CDH13: variants seen among roughly 807,000 people sequenced by gnomAD.
CDH13 encodes the protein cadherin 13.
CDH13 carries 24 observed loss-of-function variants against 63.8 expected under a neutral mutation model. That is an observed-to-expected ratio of 0.38 (90% confidence interval 0.27 to 0.53). The LOEUF (loss-of-function observed/expected upper bound fraction) is 0.53, where lower values mean the gene tolerates loss of function less well. CDH13 is among the 20% of genes least tolerant of loss of function. CDH13 has a pLI of 0.85. For missense variants in CDH13, 1,049 were observed against 903.1 expected (o/e 1.16, Z -2.07); for synonymous variants, 503 against 355.3 (o/e 1.42, Z -4.67).
rs547177649 is a variant in CDH13 at position 83,547,340 on chromosome 16, T to C, written c.961-55114T>C. 1.6e-4 allele frequency among the ~76,000 whole-genome samples: 25 copies of C among 152,342 alleles called. No individual in the cohort carries two copies. In the South Asian group the frequency reaches 4.8e-3, roughly 29 times the overall value. ...CTTTCATTTTAGTTTCAGAGGTACA[T>C]GTGCAAATTTGTTACATAGGTAAAC... On this transcript the variant is annotated intron_variant, in intron 7 of 13. Transcript: ENST00000567109.
chr16:83,724,514 G>C (rs987966824), intron 10 of CDH13, among the ~76,000 whole-genome samples: 1 of 152,126 alleles, frequency 6.6e-6, no homozygotes, highest in Admixed American at 6.5e-5. Context: ...AAATGCATGA[G>C]TCGGTGGATG....
chr16:83,677,054 T>G (rs1915012923), intron 9 of CDH13, among the ~76,000 whole-genome samples: 1 of 152,206 alleles, frequency 6.6e-6, no homozygotes, highest in African/African-American at 2.4e-5. Context: ...ATGGGTCTGA[T>G]GGGTTAGCTG....
At chr16:82,640,584 G>T (rs1353210527) in intron 1 of CDH13, among the ~76,000 whole-genome samples, 1 of 152,142 alleles carries the variant, frequency 6.6e-6, no homozygotes, top group Non-Finnish European at 1.5e-5. Flanking sequence ...GAGCTAGATT[G>T]GTCCTTCAGG....
intron 7 of CDH13, among the ~76,000 whole-genome samples, chr16:83,545,570 C>G (rs1264666811): frequency 6.6e-6 from 1 of 152,174 alleles, no homozygotes. Context: ...GTCCATTACC[C>G]TTGCCTATTT....
intron 6 of CDH13, among the ~76,000 whole-genome samples, chr16:83,444,581 C>A (rs908144727): frequency 6.6e-6 from 1 of 152,168 alleles, no homozygotes; most frequent in African/African-American, 2.4e-5. Context: ...GAACCATGTC[C>A]TCTCTTGTGA....
At position 83,260,097 on chromosome 16, in the gene CDH13, T is replaced by C. The variant is rs376769048; in HGVS notation, c.636+42600T>C. Among the ~76,000 whole-genome samples, 270 of 126,518 alleles carry C rather than the reference T, an allele frequency of 2.1e-3. 1 individual carries two copies. Among genetic ancestry groups the C allele is most frequent in the Non-Finnish European group, 2.9e-3 (173 of 60,652 alleles). The allele number at this position is 126,518 out of a possible 152,430, so 83.0% of individuals were successfully genotyped here. On this transcript the variant is annotated intron_variant, in intron 5 of 13. Transcript: ENST00000567109. Reference sequence around the variant, plus strand: ...TTTTTTTGTAACCATGTACCCCCAATACACACACACACACACACACACACA... The same window carrying C: ...TTTTTTTGTAACCATGTACCCCCAACACACACACACACACACACACACACA...
In CDH13 at chr16:83,500,306, C is replaced by T. The variant is rs61289438; in HGVS notation, c.960+13651C>T. Among the ~76,000 whole-genome samples, 6 of 646 alleles carry T rather than the reference C, an allele frequency of 9.3e-3. 2 individuals are homozygous for T. The highest frequency in any genetic ancestry group is 0.062 in the Admixed American group (1 of 16). The allele number at this position is 646 out of a possible 152,430, so 0.4% of individuals were successfully genotyped here. A position where few individuals can be genotyped will look rare whatever the true frequency, so the allele number is the denominator to read the frequency against. ...TCTTCTTCTTCTTCTCCTTCTCCTT[C>T]TCCTTCTCCTTCTCCTCCTCCTCCT... On this transcript the variant is annotated intron_variant, in intron 7 of 13. Transcript: ENST00000567109.
At chr16:82,711,828 C>T (rs1006332030) in intron 1 of CDH13, among the ~76,000 whole-genome samples, 11 of 152,206 alleles carry the variant, frequency 7.2e-5, no homozygotes, top group African/African-American at 2.4e-4. Flanking sequence ...GTCAGTGCCT[C>T]GAGGACTTGT....
chr16:83,432,684 T>C (rs1193268057), intron 6 of CDH13, among the ~76,000 whole-genome samples: 2 of 152,110 alleles, frequency 1.3e-5, no homozygotes, highest in Non-Finnish European at 2.9e-5. Flanking sequence ...CATGCAGATG[T>C]CATGAGCTTC....
intron 1 of CDH13, among the ~76,000 whole-genome samples, chr16:82,832,351 C>T (rs1173382282): frequency 6.6e-6 from 1 of 152,042 alleles, no homozygotes; most frequent in Non-Finnish European, 1.5e-5. Flanking sequence ...CTTATTAATG[C>T]ATTGTCTTTT....
At chr16:83,030,268 G>A (rs1265880528) in intron 2 of CDH13, among the ~76,000 whole-genome samples, 1 of 152,134 alleles carries the variant, frequency 6.6e-6, no homozygotes, top group African/African-American at 2.4e-5. Flanking sequence ...TTGGAACTGG[G>A]TCTCTTGGCC....
At chr16:82,911,432 G>GA (rs1216696781) in intron 2 of CDH13, among the ~76,000 whole-genome samples, 1 of 152,050 alleles carries the variant, frequency 6.6e-6, no homozygotes, top group Non-Finnish European at 1.5e-5. Flanking sequence ...CCCTGTTTAG[G>GA]AAAAAGTGAC....
chr16:83,730,864 T>A (rs1910965895), intron 10 of CDH13, among the ~76,000 whole-genome samples: 1 of 152,198 alleles, frequency 6.6e-6, no homozygotes, highest in African/African-American at 2.4e-5. Flanking sequence ...CATCTTTGTG[T>A]CTGTGTGTAC....
intron 8 of CDH13, among the ~76,000 whole-genome samples, chr16:83,615,193 A>T (rs944425794): frequency 2.0e-5 from 3 of 152,188 alleles, no homozygotes; most frequent in Admixed American, 6.5e-5. Flanking sequence ...GCTTCAAAGA[A>T]AAGCCTCCTA....
chr16:83,691,976 G>A (rs1904942632), intron 10 of CDH13, among the ~76,000 whole-genome samples: 1 of 152,084 alleles, frequency 6.6e-6, no homozygotes, highest in South Asian at 2.1e-4. Context: ...TTATACAGGG[G>A]AAGACAATAA....
At chr16:83,024,953 G>T (rs1005253986) in intron 2 of CDH13, among the ~76,000 whole-genome samples, 2 of 152,144 alleles carry the variant, frequency 1.3e-5, no homozygotes, top group Admixed American at 6.6e-5. Context: ...TTTAACCCTA[G>T]CAGTGATGCC....
rs138467749 is a variant in CDH13, at chr16:83,078,880, C to T, written c.367-46505C>T. Among the ~76,000 whole-genome samples, 177 of 152,216 alleles carry T rather than the reference C, an allele frequency of 1.2e-3. 1 individual carries two copies. Among genetic ancestry groups the T allele is most frequent in the African/African-American group, 3.9e-3 (160 of 41,532 alleles). On this transcript the variant is annotated intron_variant, in intron 3 of 13. Coordinates refer to ENST00000567109, the MANE Select transcript of CDH13 (RefSeq NM_001257.5). ...CGAGATCTTGGCTCACTGCAACCTC[C>T]GCCTCCCAGGTTCCAGCAATTCTCC...
intron 1 of CDH13, among the ~76,000 whole-genome samples, chr16:82,800,427 A>G (rs925116033): frequency 5.3e-5 from 8 of 152,166 alleles, no homozygotes; most frequent in African/African-American, 1.9e-4. Context: ...CAAATCATAA[A>G]TCAGAGTTCT....
At chr16:83,708,909 T>A (rs543784334) in intron 10 of CDH13, among the ~76,000 whole-genome samples, 4 of 152,114 alleles carry the variant, frequency 2.6e-5, no homozygotes, top group African/African-American at 4.8e-5. Context: ...CTGTAGTTTC[T>A]GCTACTCAGG....
Sources: allele counts gnomAD v4.1 joint callset (sites outside exome capture counted in the v4.1 genomes callset), GRCh38; gene constraint gnomAD v4.1.1; transcripts MANE v1.5; gene names NCBI Gene and HGNC (gene_info 2026-07-23, HGNC 2026-07-21).